AGPAT3: variants seen among roughly 807,000 people sequenced by gnomAD.
AGPAT3 encodes 1-acyl-sn-glycerol-3-phosphate acyltransferase gamma.
AGPAT3 carries 5 observed loss-of-function variants against 47.3 expected under a neutral mutation model. The observed-to-expected ratio is 0.11, with a 90% CI of 0.06 to 0.22. AGPAT3 has a LOEUF of 0.22. AGPAT3 is among the 10% of genes least tolerant of loss of function. The pLI is 1.00. For missense variants in AGPAT3, 315 were observed against 493.0 expected (o/e 0.64, Z 3.42); for synonymous variants, 212 against 208.3 (o/e 1.02, Z -0.15).
chr21:43,869,174 GACGT>G (rs1314766449), intron 1 of AGPAT3, among the ~76,000 whole-genome samples: 4 of 152,192 alleles, frequency 2.6e-5, no homozygotes, highest in African/African-American at 9.7e-5. Context: ...TAATTCAATT[GACGT>G]AAATTCATCT....
In AGPAT3 at chr21:43,970,836, A is replaced by C; in HGVS notation, c.664+30A>C. On this transcript the variant is annotated intron_variant, in intron 6 of 9. Coordinates refer to ENST00000291572, the MANE Select transcript of AGPAT3 (RefSeq NM_020132.5). This position sits in a 1 kb window ranked among gnomAD's most constrained non-coding sequence, Gnocchi z 5.8. ...GCCCCAGACTGCCCGAGCCGGGGCC[A>C]CCGCTATGCTCACGGAAAATAGTGA... 6.7e-7 allele frequency: 1 copy of C among 1,488,370 alleles called. No individual in the cohort carries two copies. Among genetic ancestry groups the C allele is most frequent in the Non-Finnish European group, 8.9e-7 (1 of 1,118,052 alleles). The allele number at this position is 1,488,370 out of a possible 1,614,324, so 92.2% of individuals were successfully genotyped here.
intron 8 of AGPAT3, among the ~76,000 whole-genome samples, chr21:43,980,078 C>T (rs1290867952): frequency 6.6e-6 from 1 of 152,024 alleles, no homozygotes; most frequent in Admixed American, 6.5e-5. Flanking sequence ...ATCAGGAGTT[C>T]GAGACAAGCC....
chr21:43,968,474 G>A (rs9984283), intron 4 of AGPAT3, among the ~76,000 whole-genome samples: 23,384 of 151,542 alleles, frequency 0.15, 3,002 homozygotes, highest in African/African-American at 0.35. Flanking sequence ...GGAGCAGTGG[G>A]GGTCCCAGCA....
At chr21:43,948,324 A>G (rs1467048193) in intron 2 of AGPAT3, 1 of 152,250 alleles carries the variant, frequency 6.6e-6, no homozygotes, top group Non-Finnish European at 1.5e-5. Flanking sequence ...GGGAAGAACG[A>G]CAAAGGTGAT....
chr21:43,908,893 G>A lies in AGPAT3; in HGVS notation c.-49+4874G>A, dbSNP rs760420497. Among the ~76,000 whole-genome samples the A allele has an allele frequency of 6.6e-6, 1 of 152,076 alleles. No homozygotes were observed. Reference sequence around the variant, plus strand: ...GTACAGGCTCAGGCTCAGCTCACACGGTCCCCGGATGCCCCTGCTGTGCTC... The same window carrying A: ...GTACAGGCTCAGGCTCAGCTCACACAGTCCCCGGATGCCCCTGCTGTGCTC... On this transcript the variant is annotated intron_variant, in intron 2 of 9. Transcript: ENST00000291572. This position sits in a 1 kb window ranked among gnomAD's most constrained non-coding sequence, Gnocchi z 4.9.
At position 43,982,485 on chromosome 21, in the gene AGPAT3, C is replaced by G. The variant is rs1364350159; in HGVS notation, c.*93C>G. The G allele has an allele frequency of 2.1e-6, 2 of 945,380 alleles. No individual in the cohort carries two copies. Among genetic ancestry groups the G allele is most frequent in the Non-Finnish European group, 3.3e-6 (2 of 613,666 alleles). 58.6% of individuals were successfully genotyped at this position (945,380 alleles called of 1,614,324 possible). ...GAGTGCAGGAAAAGACAATTAGAAA[C>G]TATTTTTCTTATTAACTGGTGACTA... On this transcript the variant is annotated 3_prime_UTR_variant, in exon 10 of 10. Coordinates refer to ENST00000291572, the MANE Select transcript of AGPAT3 (RefSeq NM_020132.5). The surrounding 1 kb of genome is among the most constrained non-coding windows in gnomAD (Gnocchi z 6.2).
At chr21:43,977,936 G>A (rs2089682243) in intron 7 of AGPAT3, 110 bp from the exon 8 acceptor site, 1 of 699,534 alleles carries the variant, frequency 1.4e-6, no homozygotes, top group African/African-American at 1.8e-5. Context: ...TGTGACAGAA[G>A]GAGTGGGGCC....
At chr21:43,960,342 T>C (rs751080940) in intron 3 of AGPAT3, among the ~76,000 whole-genome samples, 1 of 152,180 alleles carries the variant, frequency 6.6e-6, no homozygotes, top group Non-Finnish European at 1.5e-5. Flanking sequence ...GTATGTGTAT[T>C]ATACATAGAG....
At chr21:43,907,414 A>G (rs1278701624) in intron 2 of AGPAT3, among the ~76,000 whole-genome samples, 1 of 152,138 alleles carries the variant, frequency 6.6e-6, no homozygotes, top group Non-Finnish European at 1.5e-5. Flanking sequence ...TTTAACAAAA[A>G]GTTTCCCATA....
In AGPAT3 at chr21:43,955,823, T is replaced by G. The variant is rs2088426510; in HGVS notation, c.-48-3811T>G. Among the ~76,000 whole-genome samples, 1 of 151,700 alleles carries G rather than the reference T, an allele frequency of 6.6e-6. No individual in the cohort carries two copies. Among genetic ancestry groups the G allele is most frequent in the Non-Finnish European group, 1.5e-5 (1 of 67,958 alleles). On this transcript the variant is annotated intron_variant, in intron 2 of 9. Coordinates refer to ENST00000291572, the MANE Select transcript of AGPAT3 (RefSeq NM_020132.5). The surrounding 1 kb of genome is among the most constrained non-coding windows in gnomAD (Gnocchi z 4.1). ...CGGGAGGCTGAGGCATGAGAATTGC[T>G]TGAACCCAGGAAGCTGCAGTGAGCC...
At chr21:43,958,654 G>T (rs1001572910) in intron 2 of AGPAT3, among the ~76,000 whole-genome samples, 1 of 142,870 alleles carries the variant, frequency 7.0e-6, no homozygotes, top group African/African-American at 2.8e-5. Flanking sequence ...GTGTGGTGTG[G>T]TATATGTAGC....
chr21:43,932,093 C>T lies in AGPAT3; in HGVS notation c.-48-27541C>T, dbSNP rs547000741. On this transcript the variant is annotated intron_variant, in intron 2 of 9. Transcript: ENST00000291572. This position sits in a 1 kb window ranked among gnomAD's most constrained non-coding sequence, Gnocchi z 5.2. ...TTAAGCTAATTAACATAGCTATCAG[C>T]TCACCAACATCGTTTTTGGTGGTGT... Among the ~76,000 whole-genome samples, 5 of 152,302 alleles carry T rather than the reference C, an allele frequency of 3.3e-5. No individual in the cohort carries two copies. In the East Asian group the frequency reaches 9.6e-4, roughly 29 times the overall value.
chr21:43,917,841 T>TG (rs1319852909), intron 2 of AGPAT3, among the ~76,000 whole-genome samples: 4 of 107,070 alleles, frequency 3.7e-5, no homozygotes, highest in Non-Finnish European at 5.6e-5. Context: ...GTGGGTGTTG[T>TG]GTTGTGGGTG....
chr21:43,960,350 G>A (rs1258007693), intron 3 of AGPAT3, among the ~76,000 whole-genome samples: 1 of 152,220 alleles, frequency 6.6e-6, no homozygotes, highest in African/African-American at 2.4e-5. Flanking sequence ...ATTATACATA[G>A]AGAAACCGAT....
At chr21:43,874,992 T>C (rs1247767702) in intron 1 of AGPAT3, among the ~76,000 whole-genome samples, 1 of 152,316 alleles carries the variant, frequency 6.6e-6, no homozygotes, top group South Asian at 2.1e-4. Context: ...TTTTTTTCTT[T>C]GTTTTTGAGA....
At chr21:43,918,238 G>GTGTTGCGGCGGTTGTGGGTGTTGTGGT (rs2086801826) in intron 2 of AGPAT3, among the ~76,000 whole-genome samples, 1 of 151,920 alleles carries the variant, frequency 6.6e-6, no homozygotes. Context: ...GGTGTTGTGG[G>GTGTTGCGGCGGTTGTGGGTGTTGTGGT]TGTTGTAGGT....
intron 2 of AGPAT3, among the ~76,000 whole-genome samples, chr21:43,912,199 C>G (rs183841788): frequency 7.5e-4 from 115 of 152,378 alleles, no homozygotes; most frequent in African/African-American, 1.9e-3. Context: ...GATGGGACCA[C>G]TGTGTGCCTT....
Position 43,970,555 on chromosome 21 carries a change from C to G in AGPAT3, c.511-98C>G. 1 of 1,354,264 alleles carries G rather than the reference C, an allele frequency of 7.4e-7. No homozygotes were observed. Among genetic ancestry groups the G allele is most frequent in the South Asian group, 1.3e-5 (1 of 75,942 alleles). 83.9% of individuals were successfully genotyped at this position (1,354,264 alleles called of 1,614,324 possible). On this transcript the variant is annotated intron_variant, in intron 5 of 9. Coordinates refer to ENST00000291572, the MANE Select transcript of AGPAT3 (RefSeq NM_020132.5). This position sits in a 1 kb window ranked among gnomAD's most constrained non-coding sequence, Gnocchi z 5.8. ...GGTTCCAAGATTTCCACAAATTCAG[C>G]CACAACCTTTGCTGCCTGTCAGAGA...
At chr21:43,924,014 G>A (rs1332108707) in intron 2 of AGPAT3, among the ~76,000 whole-genome samples, 2 of 151,996 alleles carry the variant, frequency 1.3e-5, no homozygotes, top group Non-Finnish European at 2.9e-5. Context: ...GAAATGTAAG[G>A]TGTTTTTTTT....
Sources: gnomAD v4.1 joint callset for allele counts (sites outside exome capture counted in the v4.1 genomes callset) on GRCh38, gnomAD v4.1.1 for gene constraint, Gnocchi (gnomAD v3.1) non-coding constraint, MANE v1.5 for transcripts, NCBI Gene and HGNC (gene_info 2026-07-23, HGNC 2026-07-21) for gene names.